Variants in ALX4 observed in about 807,000 individuals in gnomAD.
The protein encoded by ALX4 is homeobox protein aristaless-like 4.
A neutral mutation model predicts 40.6 loss-of-function variants in ALX4; 22 were observed. The observed-to-expected ratio is 0.54, with a 90% CI of 0.39 to 0.77. ALX4 has a LOEUF of 0.77. Ranked by LOEUF, ALX4 falls within the 30% of genes least tolerant of loss-of-function variation. ALX4 has a pLI of 0.00. For synonymous variants in ALX4, 266 were observed against 240.5 expected (o/e 1.11, Z -0.98); for missense variants, 556 against 564.8 (o/e 0.98, Z 0.16).
chr11:44,295,437 C>A (rs1956397525), intron 1 of ALX4, among the ~76,000 whole-genome samples: 1 of 152,264 alleles, frequency 6.6e-6, no homozygotes, highest in Non-Finnish European at 1.5e-5. Context: ...GGGCACATGG[C>A]TGGAAGACCA....
intron 3 of ALX4, 134 bp from the exon 4 acceptor site, chr11:44,265,317 G>T: frequency 1.1e-6 from 1 of 883,950 alleles, no homozygotes; most frequent in Non-Finnish European, 1.7e-6. Context: ...GTTTAGCCTT[G>T]ATGGACATCC....
At chr11:44,300,217 C>A (rs1956427296) in intron 1 of ALX4, among the ~76,000 whole-genome samples, 1 of 152,206 alleles carries the variant, frequency 6.6e-6, no homozygotes. Flanking sequence ...CAATTCACCC[C>A]TCTTGGTGAA....
intron 2 of ALX4, among the ~76,000 whole-genome samples, chr11:44,275,016 C>G (rs1956269221): frequency 6.6e-6 from 1 of 152,180 alleles, no homozygotes; most frequent in Admixed American, 6.5e-5. Context: ...AGTAACCCTT[C>G]TCTGTGTGAA....
chr11:44,265,299 T>C (rs1353329150), intron 3 of ALX4, 116 bp from the exon 4 acceptor site: 1 of 1,039,826 alleles, frequency 9.6e-7, no homozygotes, highest in African/African-American at 1.6e-5. Flanking sequence ...ATGAAGCCCC[T>C]CTTGAGTGTT....
chr11:44,284,216 T>A (rs1229466870), intron 1 of ALX4, among the ~76,000 whole-genome samples: 1 of 127,328 alleles, frequency 7.9e-6, no homozygotes, highest in Non-Finnish European at 1.8e-5. Flanking sequence ...TTTTCTTTTT[T>A]TGGGGGGCGG....
intron 1 of ALX4, among the ~76,000 whole-genome samples, chr11:44,286,347 T>C (rs1266399328): frequency 6.6e-6 from 1 of 151,986 alleles, no homozygotes; most frequent in Non-Finnish European, 1.5e-5. Flanking sequence ...GAAGAGGAGA[T>C]GGAGGGGCAC....
intron 1 of ALX4, among the ~76,000 whole-genome samples, chr11:44,304,082 C>A (rs1481732256): frequency 2.0e-5 from 3 of 151,968 alleles, no homozygotes; most frequent in Non-Finnish European, 4.4e-5. Flanking sequence ...AGGGCTGCTT[C>A]TCACCTGTCT....
intron 1 of ALX4, among the ~76,000 whole-genome samples, chr11:44,293,163 GGAAGGAA>G (rs1356203875): frequency 0.26 from 11,975 of 46,708 alleles, 2,328 homozygotes; most frequent in Admixed American, 0.33. Context: ...AAGGAAGGAA[GGAAGGAA>G]GCAGGCAGGC....
intron 1 of ALX4, among the ~76,000 whole-genome samples, chr11:44,294,521 C>A (rs1045544421): frequency 4.6e-5 from 7 of 152,206 alleles, no homozygotes; most frequent in African/African-American, 1.7e-4. Context: ...GAGGAGGGGC[C>A]TGAGGGGCCT....
intron 1 of ALX4, among the ~76,000 whole-genome samples, chr11:44,301,633 C>T (rs1956434922): frequency 6.6e-6 from 1 of 152,216 alleles, no homozygotes; most frequent in Non-Finnish European, 1.5e-5. Flanking sequence ...GTGCAACTTA[C>T]TGGACTTATT....
intron 1 of ALX4, among the ~76,000 whole-genome samples, chr11:44,289,978 G>A (rs1445070947): frequency 1.3e-5 from 2 of 152,134 alleles, no homozygotes; most frequent in Non-Finnish European, 2.9e-5. Flanking sequence ...GACCCCACTG[G>A]ACCAGACCCT....
At position 44,264,875 on chromosome 11, in the gene ALX4, C is replaced by T. The variant is rs770986777; in HGVS notation, c.1215G>A (p.Ala405=). 3.2e-5 allele frequency: 52 copies of T among 1,612,804 alleles called. No homozygotes were observed. Among genetic ancestry groups the T allele is most frequent in the South Asian group, 6.6e-5 (6 of 91,002 alleles). Residue 405 remains alanine (A), a synonymous_variant, in exon 4 of 4, where the codon GCG becomes GCA. Coordinates refer to ENST00000652299, the MANE Select transcript of ALX4 (RefSeq NM_021926.4). ...ALRMKAKEHS[A]AISWAT ...CCTGTCATGTGGCCCAGGAAATGGC[C>T]GCACTGTGCTCCTTGGCCTTCATGC...
chr11:44,267,346 G>C (rs1956219329), intron 3 of ALX4, 148 bp downstream of exon 3: 1 of 1,047,578 alleles, frequency 9.5e-7, no homozygotes. Flanking sequence ...CCCACACTCT[G>C]GTATAAACAG....
intron 1 of ALX4, among the ~76,000 whole-genome samples, chr11:44,285,902 T>G (rs1956335988): frequency 2.0e-5 from 3 of 152,086 alleles, no homozygotes. Flanking sequence ...GCCTCCCAGA[T>G]GTACTGCTGG....
chr11:44,302,770 A>T (rs766475489), intron 1 of ALX4, among the ~76,000 whole-genome samples: 1 of 151,806 alleles, frequency 6.6e-6, no homozygotes, highest in Non-Finnish European at 1.5e-5. Flanking sequence ...ATGGCTCCCC[A>T]CTCAGGACCT....
chr11:44,308,620 C>T (rs1381379404), intron 1 of ALX4, among the ~76,000 whole-genome samples: 1 of 152,254 alleles, frequency 6.6e-6, no homozygotes, highest in Admixed American at 6.5e-5. Context: ...CTAGAGACGT[C>T]CTTGAGTGTC....
At chr11:44,274,214 T>A (rs936186769) in intron 2 of ALX4, among the ~76,000 whole-genome samples, 2 of 152,192 alleles carry the variant, frequency 1.3e-5, no homozygotes, top group Non-Finnish European at 2.9e-5. Context: ...GGTGAGCTGG[T>A]TTGCTTCTGT....
At chr11:44,291,246 A>T (rs568622747) in intron 1 of ALX4, among the ~76,000 whole-genome samples, 31 of 152,310 alleles carry the variant, frequency 2.0e-4, no homozygotes, top group African/African-American at 7.0e-4. Context: ...AAAACTTTTA[A>T]AGAGTGGATT....
At chr11:44,295,243 G>A (rs1236298435) in intron 1 of ALX4, among the ~76,000 whole-genome samples, 1 of 152,184 alleles carries the variant, frequency 6.6e-6, no homozygotes, top group Non-Finnish European at 1.5e-5. Context: ...AAGAAACTGA[G>A]GCAAAGAGGT....
Sources: allele counts gnomAD v4.1 joint callset (sites outside exome capture counted in the v4.1 genomes callset), GRCh38; gene constraint gnomAD v4.1.1; transcripts MANE v1.5; gene names NCBI Gene and HGNC (gene_info 2026-07-23, HGNC 2026-07-21).